Variants in PLB1 observed in about 807,000 individuals in gnomAD.
The protein encoded by PLB1 is phospholipase B1, membrane-associated.
PLB1 carries 242 observed loss-of-function variants against 227.4 expected under a neutral mutation model. That is an observed-to-expected ratio of 1.06 (90% CI 0.96 to 1.18). The LOEUF (loss-of-function observed/expected upper bound fraction) is 1.18. Ranked by LOEUF, PLB1 falls within the 50% of genes most tolerant of loss-of-function variation. PLB1 has a pLI of 0.00. For missense variants in PLB1, 1,858 were observed against 1,816.3 expected, an observed-to-expected ratio of 1.02 and a Z score of -0.42; for synonymous variants, 757 against 682.2, an observed-to-expected ratio of 1.11 and a Z score of -1.71.
intron 9 of PLB1, among the ~76,000 whole-genome samples, chr2:28,537,343 G>A (rs1671826275): frequency 6.6e-6 from 1 of 152,158 alleles, no homozygotes; most frequent in South Asian, 2.1e-4. Flanking sequence ...TCTGCTGTTT[G>A]TTAGGGGACA....
rs1273400663 is a variant in PLB1, at chr2:28,591,718, C to T, written c.2146C>T (p.Pro716Ser). The T allele has an allele frequency of 6.2e-7, 1 of 1,613,960 alleles. No homozygotes were observed. The change falls in exon 31 of 58, where the codon CCA becomes TCA. Residue 716 changes from proline to serine, a missense_variant. By Grantham distance (74) the Pro-to-Ser change is moderately conservative (BLOSUM62 -1). Coordinates refer to ENST00000327757, the MANE Select transcript of PLB1 (RefSeq NM_153021.5). ...CCCTTAGGGTCATGGGACCTGGCTG[C>T]CATGCAGGGACAGAGCCCCTTCTGC... ...NSMQGHGTWL[P>S]CRDRAPSALH...
At chr2:28,567,496 G>C (rs1054813769) in intron 20 of PLB1, among the ~76,000 whole-genome samples, 3 of 89,024 alleles carry the variant, frequency 3.4e-5, no homozygotes, top group African/African-American at 5.8e-5. Context: ...TTTTTGAGAT[G>C]GAGTCTCACT....
chr2:28,604,310 G>A (rs1054253791), intron 40 of PLB1, among the ~76,000 whole-genome samples: 9 of 152,180 alleles, frequency 5.9e-5, no homozygotes, highest in East Asian at 1.9e-4. Flanking sequence ...CTCCTGGCCC[G>A]TAGCCCTGGA....
intron 12 of PLB1, among the ~76,000 whole-genome samples, chr2:28,540,740 T>A (rs1470233043): frequency 1.3e-5 from 2 of 152,192 alleles, no homozygotes; most frequent in Non-Finnish European, 2.9e-5. Flanking sequence ...GGAATGCTTT[T>A]GGTCATCAGT....
At chr2:28,611,987 AAAAAT>A (rs1299819952) in intron 43 of PLB1, among the ~76,000 whole-genome samples, 1 of 152,084 alleles carries the variant, frequency 6.6e-6, no homozygotes, top group Non-Finnish European at 1.5e-5. Flanking sequence ...TAAAAATACA[AAAAAT>A]AAAAATAGCC....
chr2:28,545,168 G>A (rs1026572561), intron 14 of PLB1, among the ~76,000 whole-genome samples: 2 of 152,140 alleles, frequency 1.3e-5, no homozygotes, highest in African/African-American at 4.8e-5. Flanking sequence ...GTGTCACAAG[G>A]GCTTAGAAGA....
At chr2:28,634,944 T>C (rs2148346178) in intron 56 of PLB1, among the ~76,000 whole-genome samples, 1 of 152,106 alleles carries the variant, frequency 6.6e-6, no homozygotes, top group Middle Eastern at 3.4e-3. Flanking sequence ...TATATGTAGC[T>C]CTGGCCTTCT....
chr2:28,629,821 A>C (rs1688344985), intron 53 of PLB1, among the ~76,000 whole-genome samples: 1 of 152,198 alleles, frequency 6.6e-6, no homozygotes. Flanking sequence ...GGAAGTCATT[A>C]AAGCTCTTGA....
At chr2:28,606,638 C>A in intron 43 of PLB1, 71 bp downstream of exon 43, 1 of 1,387,806 alleles carries the variant, frequency 7.2e-7, no homozygotes, top group Non-Finnish European at 1.0e-6. Flanking sequence ...CCACTTCGTC[C>A]TCCACCACAG....
At chr2:28,634,821 A>T (rs772180292) in intron 56 of PLB1, among the ~76,000 whole-genome samples, 1 of 152,106 alleles carries the variant, frequency 6.6e-6, no homozygotes, top group South Asian at 2.1e-4. Context: ...TGACGTGAGA[A>T]GATCACTTGA....
At chr2:28,516,752 T>A in intron 1 of PLB1, 56 bp from the exon 2 acceptor site, 2 of 1,511,078 alleles carry the variant, frequency 1.3e-6, no homozygotes. Flanking sequence ...AAGCTACAAA[T>A]TTGGGTGGGA....
chr2:28,530,164 A>C (rs925579455), intron 8 of PLB1, among the ~76,000 whole-genome samples: 1 of 152,210 alleles, frequency 6.6e-6, no homozygotes, highest in South Asian at 2.1e-4. Flanking sequence ...AGCCAAAAGG[A>C]CCCATCCTCT....
In PLB1 at chr2:28,539,301, C is replaced by T. The variant is rs116347761; in HGVS notation, c.698+123C>T. On this transcript the variant is annotated intron_variant, in intron 11 of 57. Coordinates refer to ENST00000327757, the MANE Select transcript of PLB1 (RefSeq NM_153021.5). ...CTAAAGAACAGAGGCCAAAGGAGGC[C>T]GAGAAACACATGCGAGCTCACACCC... The T allele has an allele frequency of 1.7e-3, 1,465 of 871,054 alleles. 24 individuals are homozygous for T. In the African/African-American group the frequency reaches 0.02, roughly 12 times the overall value. 54.0% of individuals were successfully genotyped at this position (871,054 alleles called of 1,614,324 possible).
chr2:28,591,115 A>AC lies in PLB1; in HGVS notation c.2089-12dup, dbSNP rs754942240. The AC allele has an allele frequency of 6.2e-7, 1 of 1,613,674 alleles. No homozygotes were observed. Among genetic ancestry groups the AC allele is most frequent in the East Asian group, 2.2e-5 (1 of 44,864 alleles). On this transcript the variant is annotated splice_polypyrimidine_tract_variant and intron_variant, in intron 29 of 57. Transcript: ENST00000327757. ...TGAGCAGAATTTGCTGCCATTGCTC[A>AC]CCCCCCTCTCCTCACAGGTCCAGCC...
chr2:28,516,886 G>C lies in PLB1; in HGVS notation c.117+17G>C, dbSNP rs199809483. The C allele has an allele frequency of 1.8e-4, 284 of 1,611,664 alleles. 1 individual carries two copies. In the East Asian group the frequency reaches 6.2e-3, roughly 35 times the overall value. ...TGGCCAGAGGTAAGGGCTTTGGCTGGTGGGAGGTGCGTGTGTATGGAGGGG... is the reference window on the plus strand; with the variant it reads ...TGGCCAGAGGTAAGGGCTTTGGCTGCTGGGAGGTGCGTGTGTATGGAGGGG... On this transcript the variant is annotated intron_variant, in intron 2 of 57. Transcript: ENST00000327757.
Position 28,525,252 on chromosome 2 carries a change from G to C in PLB1, c.244-15G>C, listed in dbSNP as rs367821221. 1.9e-6 allele frequency: 3 copies of C among 1,612,672 alleles called. No homozygotes were observed. The highest frequency in any genetic ancestry group is 2.5e-6 in the Non-Finnish European group (3 of 1,179,626). Reference sequence around the variant, plus strand: ...CCTCCCCTGGCTGGGTGTTAACATTGAGTATCTATTCCAGCCTCCAGACCC... The same window carrying C: ...CCTCCCCTGGCTGGGTGTTAACATTCAGTATCTATTCCAGCCTCCAGACCC... On this transcript the variant is annotated splice_polypyrimidine_tract_variant and intron_variant, in intron 4 of 57. Transcript: ENST00000327757.
rs1198168766 is a variant in PLB1 at position 28,520,293 on chromosome 2, G to A, written c.243+530G>A. 6.6e-5 allele frequency among the ~76,000 whole-genome samples: 10 copies of A among 151,956 alleles called. No homozygotes were observed. The East Asian group carries it at 1.9e-3, about 29-fold the overall frequency. ...TTACATCAAGGTGAGGAAACTTTTGGGGTTTCCCATTAATAAATTAAATCC... is the reference window on the plus strand; with the variant it reads ...TTACATCAAGGTGAGGAAACTTTTGAGGTTTCCCATTAATAAATTAAATCC... On this transcript the variant is annotated intron_variant, in intron 4 of 57. Transcript: ENST00000327757.
intron 9 of PLB1, among the ~76,000 whole-genome samples, chr2:28,533,053 C>T (rs1389189288): frequency 6.6e-6 from 1 of 152,162 alleles, no homozygotes; most frequent in East Asian, 1.9e-4. Flanking sequence ...GTGGGACCAG[C>T]TTGTCCTCTT....
intron 20 of PLB1, among the ~76,000 whole-genome samples, chr2:28,569,338 A>C (rs72791661): frequency 0.08 from 12,169 of 152,246 alleles, 681 homozygotes; most frequent in Non-Finnish European, 0.12. Context: ...ATTGAGCATT[A>C]TATGAGGCCC....
Sources: gnomAD v4.1 joint callset for allele counts (sites outside exome capture counted in the v4.1 genomes callset) on GRCh38, gnomAD v4.1.1 for gene constraint, MANE v1.5 for transcripts, NCBI Gene and HGNC (gene_info 2026-07-23, HGNC 2026-07-21) for gene names.